The following GNAQ variants were observed in gnomAD, a reference collection of about 807,000 sequenced individuals.
GNAQ encodes the protein guanine nucleotide-binding protein G(q) subunit alpha.
Under a neutral mutation model 43.9 loss-of-function variants are expected in GNAQ, and 8 were observed. The observed-to-expected ratio is 0.18, with a 90% CI of 0.11 to 0.33. GNAQ has a LOEUF of 0.33. GNAQ is among the 10% of genes least tolerant of loss of function. GNAQ has a pLI of 1.00. For missense variants in GNAQ, 158 were observed against 450.8 expected, an observed-to-expected ratio of 0.35 and a Z score of 5.88; for synonymous variants, 155 against 170.7, an observed-to-expected ratio of 0.91 and a Z score of 0.71.
chr9:77,885,230 C>T (rs1350150754), intron 2 of GNAQ, among the ~76,000 whole-genome samples: 1 of 152,056 alleles, frequency 6.6e-6, no homozygotes, highest in African/African-American at 2.4e-5. Flanking sequence ...TGCAGGAGTA[C>T]CCTGACAGAG....
At chr9:77,982,811 G>C (rs1216105029) in intron 1 of GNAQ, among the ~76,000 whole-genome samples, 5 of 151,604 alleles carry the variant, frequency 3.3e-5, no homozygotes, top group Non-Finnish European at 7.4e-5. Flanking sequence ...TGGGGAGAGG[G>C]GGGAGGGATA....
At chr9:77,894,062 G>A (rs1416179602) in intron 2 of GNAQ, among the ~76,000 whole-genome samples, 1 of 151,834 alleles carries the variant, frequency 6.6e-6, no homozygotes. Flanking sequence ...TTAGAGGTGA[G>A]GAAAATGTGT....
chr9:77,956,770 A>G (rs1444706226), intron 1 of GNAQ, among the ~76,000 whole-genome samples: 1 of 152,210 alleles, frequency 6.6e-6, no homozygotes, highest in Non-Finnish European at 1.5e-5. Context: ...TATGTACTCA[A>G]CATTGAATGA....
chr9:77,917,426 G>A (rs1253874778), intron 2 of GNAQ, among the ~76,000 whole-genome samples: 2 of 152,038 alleles, frequency 1.3e-5, no homozygotes, highest in Non-Finnish European at 2.9e-5. Context: ...CTTAGTACCT[G>A]AGTGACAAAA....
At chr9:77,918,265 T>A (rs1452112442) in intron 2 of GNAQ, among the ~76,000 whole-genome samples, 1 of 152,232 alleles carries the variant, frequency 6.6e-6, no homozygotes, top group Non-Finnish European at 1.5e-5. Context: ...TTAGAAAGTA[T>A]CTTTATTTAT....
intron 1 of GNAQ, among the ~76,000 whole-genome samples, chr9:77,931,032 G>A (rs777297024): frequency 1.3e-5 from 2 of 151,764 alleles, no homozygotes; most frequent in Non-Finnish European, 2.9e-5. Context: ...ATTTGAGGTG[G>A]AACAGTCTTA....
intron 2 of GNAQ, among the ~76,000 whole-genome samples, chr9:77,861,939 AG>A (rs1827860541): frequency 7.4e-6 from 1 of 135,666 alleles, no homozygotes; most frequent in African/African-American, 2.7e-5. Context: ...TGGGAGGCGG[AG>A]GTTGCGGTGA....
intron 5 of GNAQ, among the ~76,000 whole-genome samples, chr9:77,777,968 T>G (rs962294447): frequency 6.6e-6 from 1 of 151,950 alleles, no homozygotes; most frequent in African/African-American, 2.4e-5. Context: ...CTCCCAGGAA[T>G]ACACCCAAGA....
chr9:77,814,634 C>CTCTTAGA (rs1267496254), intron 3 of GNAQ, among the ~76,000 whole-genome samples: 3 of 152,136 alleles, frequency 2.0e-5, no homozygotes, highest in Non-Finnish European at 4.4e-5. Context: ...AGTCATATAG[C>CTCTTAGA]TCTTAGATAT....
rs1028564657 is a variant in GNAQ, at chr9:77,927,725, G to A, written c.137-5380C>T. ...ACTGTGGCATTTAAAGTTACACAAT[G>A]AATATATTTATTTCACACTGCCAGG... is the stretch of plus-strand genomic sequence containing the variant. On this transcript the variant is annotated intron_variant, in intron 1 of 6. Coordinates refer to ENST00000286548, the MANE Select transcript of GNAQ (RefSeq NM_002072.5). 9.2e-5 allele frequency among the ~76,000 whole-genome samples: 14 copies of A among 151,994 alleles called. 1 individual carries two copies. Among genetic ancestry groups the A allele is most frequent in the Non-Finnish European group, 1.5e-4 (10 of 68,016 alleles).
intron 2 of GNAQ, among the ~76,000 whole-genome samples, chr9:77,838,922 G>GA (rs945811216): frequency 1.5e-4 from 22 of 149,072 alleles, no homozygotes; most frequent in South Asian, 1.3e-3. Context: ...CTCTGATGAG[G>GA]AAAAAAAAAA....
intron 2 of GNAQ, among the ~76,000 whole-genome samples, chr9:77,826,438 C>T (rs80172421): frequency 2.0e-5 from 3 of 152,276 alleles, no homozygotes; most frequent in South Asian, 4.1e-4. Context: ...CATTAAAAAA[C>T]GTGCACCTGG....
In GNAQ at chr9:77,719,877, A is replaced by C. The variant is rs951906685; in HGVS notation, c.*1446T>G. ...AAGTCCACAAATCTTCCATAAGTTC[A>C]ACCTAATCAGTTACCAGTTCAAGAA... On this transcript the variant is annotated 3_prime_UTR_variant, in exon 7 of 7. Coordinates refer to ENST00000286548, the MANE Select transcript of GNAQ (RefSeq NM_002072.5). The C allele has an allele frequency of 4.3e-6, 1 of 232,428 alleles. No individual in the cohort carries two copies. Among genetic ancestry groups the C allele is most frequent in the Non-Finnish European group, 8.5e-6 (1 of 117,622 alleles). The allele number at this position is 232,428 out of a possible 1,614,324, so 14.4% of individuals were successfully genotyped here. A position where few individuals can be genotyped will look rare whatever the true frequency, so the allele number is the denominator to read the frequency against.
chr9:77,977,581 C>G (rs1823320078), intron 1 of GNAQ, among the ~76,000 whole-genome samples: 1 of 152,144 alleles, frequency 6.6e-6, no homozygotes, highest in Admixed American at 6.5e-5. Flanking sequence ...TCAGCCACTC[C>G]TCAGACTAGA....
intron 1 of GNAQ, among the ~76,000 whole-genome samples, chr9:77,957,098 C>T (rs1003250125): frequency 6.6e-6 from 1 of 152,158 alleles, no homozygotes; most frequent in Non-Finnish European, 1.5e-5. Context: ...GTGGCTCACG[C>T]CTGTCATCCT....
intron 5 of GNAQ, among the ~76,000 whole-genome samples, chr9:77,741,676 T>C (rs1258081232): frequency 1.3e-5 from 2 of 152,224 alleles, no homozygotes; most frequent in African/African-American, 4.8e-5. Context: ...TCTAATGCCA[T>C]ATATCTGGCA....
chr9:77,863,584 G>C (rs961926599), intron 2 of GNAQ, among the ~76,000 whole-genome samples: 1 of 152,062 alleles, frequency 6.6e-6, no homozygotes, highest in East Asian at 1.9e-4. Context: ...TCACATTTTC[G>C]GGTATCTTTT....
At chr9:77,749,551 C>A (rs904837938) in intron 5 of GNAQ, among the ~76,000 whole-genome samples, 10 of 152,246 alleles carry the variant, frequency 6.6e-5, no homozygotes, top group African/African-American at 2.2e-4. Flanking sequence ...ATACTAAATG[C>A]ATATAATTTT....
intron 1 of GNAQ, among the ~76,000 whole-genome samples, chr9:77,926,440 T>C (rs1398228913): frequency 2.6e-5 from 4 of 152,196 alleles, no homozygotes; most frequent in African/African-American, 9.7e-5. Context: ...TACTAGTAGA[T>C]TATTTCAAGA....
Sources: gnomAD v4.1 joint callset for allele counts (sites outside exome capture counted in the v4.1 genomes callset) on GRCh38, gnomAD v4.1.1 for gene constraint, MANE v1.5 for transcripts, NCBI Gene and HGNC (gene_info 2026-07-23, HGNC 2026-07-21) for gene names.